The following NRXN1 variants were observed in gnomAD, a reference collection of about 807,000 sequenced individuals.
NRXN1 encodes neurexin 1.
A neutral mutation model predicts 150.9 loss-of-function variants in NRXN1; 39 were observed. That is an observed-to-expected ratio of 0.26 (90% CI 0.20 to 0.34). NRXN1 has a LOEUF of 0.34. Among genes scored for constraint, NRXN1 ranks in the 10% least tolerant of loss-of-function variants. The pLI, the probability that NRXN1 is intolerant of heterozygous loss-of-function variation, is 1.00. For synonymous variants in NRXN1, 924 were observed against 757.0 expected (o/e 1.22, Z -3.62); for missense variants, 1,815 against 1,949.9 (o/e 0.93, Z 1.30).
At chr2:50,517,064 T>A (rs1181963554) in intron 12 of NRXN1, among the ~76,000 whole-genome samples, 1 of 152,216 alleles carries the variant, frequency 6.6e-6, no homozygotes, top group African/African-American at 2.4e-5. Context: ...TGTGTGACCT[T>A]GAGCAACCTT....
chr2:50,969,191 T>C (rs370054532), intron 2 of NRXN1, among the ~76,000 whole-genome samples: 3 of 152,144 alleles, frequency 2.0e-5, no homozygotes, highest in Admixed American at 1.3e-4. Flanking sequence ...ATGCTCTTTA[T>C]ACTGTTTTTA....
intron 8 of NRXN1, chr2:50,619,817 A>C (rs1679668696): frequency 2.2e-6 from 1 of 445,058 alleles, no homozygotes; most frequent in African/African-American, 2.0e-5. Context: ...CTTACAGACT[A>C]ATAAAGAAGA....
intron 5 of NRXN1, among the ~76,000 whole-genome samples, chr2:50,805,495 A>G (rs1027640796): frequency 2.0e-5 from 3 of 152,058 alleles, no homozygotes; most frequent in African/African-American, 4.8e-5. Context: ...CATTACTAAA[A>G]AAATACAAAA....
chr2:50,785,415 A>G lies in NRXN1; in HGVS notation c.832+136454T>C, dbSNP rs1704971761. Reference sequence around the variant, plus strand: ...AGGCACCTGCCACCACGCCTGGGTAATTTTTTGTATTTTCAGTAGAGACGG... The same window carrying G: ...AGGCACCTGCCACCACGCCTGGGTAGTTTTTTGTATTTTCAGTAGAGACGG... On this transcript the variant is annotated intron_variant, in intron 5 of 22. Transcript: ENST00000401669. Among the ~76,000 whole-genome samples, 2 of 151,624 alleles carry G rather than the reference A, an allele frequency of 1.3e-5. 1 individual carries two copies. Among genetic ancestry groups the G allele is most frequent in the Admixed American group, 1.3e-4 (2 of 15,130 alleles).
chr2:50,121,753 A>C (rs1703886338), intron 18 of NRXN1, among the ~76,000 whole-genome samples: 1 of 152,190 alleles, frequency 6.6e-6, no homozygotes, highest in African/African-American at 2.4e-5. Flanking sequence ...TGTTATTGGA[A>C]GAAAACATCC....
chr2:49,966,415 A>G (rs180812359), intron 21 of NRXN1, among the ~76,000 whole-genome samples: 1 of 152,182 alleles, frequency 6.6e-6, no homozygotes, highest in Admixed American at 6.5e-5. Context: ...TGAAAATCTC[A>G]TAAGAAAATC....
intron 19 of NRXN1, among the ~76,000 whole-genome samples, chr2:50,058,667 C>T (rs545834968): frequency 5.9e-5 from 9 of 152,210 alleles, no homozygotes; most frequent in African/African-American, 1.4e-4. Context: ...CTTGGATTGT[C>T]GCTCCCATAA....
At chr2:50,489,365 C>T (rs1443941460) in intron 15 of NRXN1, among the ~76,000 whole-genome samples, 1 of 152,104 alleles carries the variant, frequency 6.6e-6, no homozygotes, top group Non-Finnish European at 1.5e-5. Context: ...CCATCTTGGG[C>T]CTGTGACTGA....
chr2:50,758,557 T>G (rs916144590), intron 5 of NRXN1, among the ~76,000 whole-genome samples: 5 of 151,826 alleles, frequency 3.3e-5, no homozygotes, highest in African/African-American at 4.8e-5. Context: ...ATCCTTCTGC[T>G]TCAGCCTCCC....
At position 50,875,719 on chromosome 2, in the gene NRXN1, G is replaced by A. The variant is rs564104163; in HGVS notation, c.832+46150C>T. Among the ~76,000 whole-genome samples the A allele has an allele frequency of 5.1e-4, 78 of 151,722 alleles. 1 individual carries two copies. The highest frequency in any genetic ancestry group is 1.1e-3 in the Non-Finnish European group (75 of 67,868). Reference sequence around the variant, plus strand: ...AACAGAACCAACAGCTTGATATCCAGGCATAAAAGCCCCAGGAATTATGAT... The same window carrying A: ...AACAGAACCAACAGCTTGATATCCAAGCATAAAAGCCCCAGGAATTATGAT... On this transcript the variant is annotated intron_variant, in intron 5 of 22. Coordinates refer to ENST00000401669, the MANE Select transcript of NRXN1 (RefSeq NM_001330078.2).
At chr2:50,496,681 T>C (rs554545957) in intron 14 of NRXN1, among the ~76,000 whole-genome samples, 2 of 152,316 alleles carry the variant, frequency 1.3e-5, no homozygotes, top group East Asian at 3.9e-4. Flanking sequence ...TTGGTGTGTG[T>C]GGGTATGACT....
At chr2:50,385,999 C>T (rs1351630184) in intron 17 of NRXN1, among the ~76,000 whole-genome samples, 1 of 151,680 alleles carries the variant, frequency 6.6e-6, no homozygotes, top group Non-Finnish European at 1.5e-5. Flanking sequence ...AAATAAATAA[C>T]TAAATATACA....
chr2:50,533,805 T>C (rs1457036992), intron 10 of NRXN1, among the ~76,000 whole-genome samples: 1 of 152,180 alleles, frequency 6.6e-6, no homozygotes, highest in Non-Finnish European at 1.5e-5. Flanking sequence ...TGTTTAAAAA[T>C]GTTTCACCCC....
chr2:50,456,804 C>A (rs1010933908), intron 17 of NRXN1, among the ~76,000 whole-genome samples: 6 of 151,994 alleles, frequency 3.9e-5, no homozygotes, highest in Admixed American at 6.6e-5. Flanking sequence ...CTCTGTGTAT[C>A]TACCAAAGAC....
chr2:50,792,769 A>G (rs1706236953), intron 5 of NRXN1, among the ~76,000 whole-genome samples: 1 of 152,124 alleles, frequency 6.6e-6, no homozygotes, highest in African/African-American at 2.4e-5. Flanking sequence ...TTTAATGAAC[A>G]TGTTAGATAC....
intron 2 of NRXN1, among the ~76,000 whole-genome samples, chr2:51,001,342 A>G (rs936164793): frequency 6.6e-6 from 1 of 151,988 alleles, no homozygotes; most frequent in South Asian, 2.1e-4. Context: ...CAGAGCAAAA[A>G]ATCGTACTCA....
chr2:50,033,378 A>G (rs1453176448), intron 21 of NRXN1, among the ~76,000 whole-genome samples: 1 of 152,160 alleles, frequency 6.6e-6, no homozygotes, highest in African/African-American at 2.4e-5. Context: ...CAAAGAGGAA[A>G]GGACTCCCTA....
At chr2:50,828,118 G>T (rs1670746626) in intron 5 of NRXN1, among the ~76,000 whole-genome samples, 1 of 151,804 alleles carries the variant, frequency 6.6e-6, no homozygotes, top group African/African-American at 2.4e-5. Context: ...ATGAGCTGTT[G>T]GGTACCCCTC....
intron 2 of NRXN1, among the ~76,000 whole-genome samples, chr2:50,982,731 A>G (rs2104901636): frequency 6.6e-6 from 1 of 152,272 alleles, no homozygotes; most frequent in Non-Finnish European, 1.5e-5. Flanking sequence ...ATATAAAAAT[A>G]ATAAGAAATG....
Sources: gnomAD v4.1 joint callset for allele counts (sites outside exome capture counted in the v4.1 genomes callset) on GRCh38, gnomAD v4.1.1 for gene constraint, MANE v1.5 for transcripts, NCBI Gene and HGNC (gene_info 2026-07-23, HGNC 2026-07-21) for gene names.